Variants in ATP2A2 observed in about 807,000 individuals in gnomAD.
ATP2A2 encodes sarcoplasmic/endoplasmic reticulum calcium ATPase 2.
Under a neutral mutation model 109.3 loss-of-function variants are expected in ATP2A2, and 14 were observed. The ratio of observed to expected loss-of-function variants is 0.13; its 90% CI spans 0.08 to 0.20. ATP2A2 has a LOEUF of 0.20. Among genes scored for constraint, ATP2A2 ranks in the 10% least tolerant of loss-of-function variants. The pLI, the probability that ATP2A2 is intolerant of heterozygous loss-of-function variation, is 1.00. For missense variants in ATP2A2, 657 were observed against 1,321.6 expected (o/e 0.50, Z 7.80); for synonymous variants, 506 against 490.9 (o/e 1.03, Z -0.41).
Position 110,350,078 on chromosome 12 carries a change from G to A in ATP2A2, c.*3608G>A. 2 of 1,445,500 alleles carry A rather than the reference G, an allele frequency of 1.4e-6. No individual in the cohort carries two copies. The highest frequency in any genetic ancestry group is 1.4e-5 in the African/African-American group (1 of 70,148). The allele number at this position is 1,445,500 out of a possible 1,614,324, so 89.5% of individuals were successfully genotyped here. A position where few individuals can be genotyped will look rare whatever the true frequency, so the allele number is the denominator to read the frequency against. On this transcript the variant is annotated 3_prime_UTR_variant, in exon 20 of 20. Coordinates refer to ENST00000539276, the MANE Select transcript of ATP2A2 (RefSeq NM_170665.4). ...ATTCTGTAGCCAGACGACACGAGGA[G>A]TCTGTGTCACTGAGCCAGTGCTTCT... is the stretch of plus-strand genomic sequence containing the variant.
chr12:110,302,660 C>A (rs183472704), intron 5 of ATP2A2, among the ~76,000 whole-genome samples: 1 of 151,762 alleles, frequency 6.6e-6, no homozygotes, highest in Non-Finnish European at 1.5e-5. Flanking sequence ...AATGCAGTAG[C>A]GTGATCTCGG....
intron 11 of ATP2A2, among the ~76,000 whole-genome samples, chr12:110,337,127 C>T (rs1489112656): frequency 6.6e-6 from 1 of 152,152 alleles, no homozygotes; most frequent in Non-Finnish European, 1.5e-5. Flanking sequence ...GCTCCCTTGT[C>T]CCATCTTTTT....
chr12:110,305,339 C>T (rs1875166595), intron 5 of ATP2A2, among the ~76,000 whole-genome samples: 1 of 152,160 alleles, frequency 6.6e-6, no homozygotes, highest in African/African-American at 2.4e-5. Flanking sequence ...AGAGTGGAGG[C>T]TGCAGTGAGC....
At chr12:110,301,651 C>T (rs760407150) in intron 5 of ATP2A2, among the ~76,000 whole-genome samples, 10 of 152,362 alleles carry the variant, frequency 6.6e-5, no homozygotes, top group Non-Finnish European at 1.0e-4. Flanking sequence ...CCATTCTCCA[C>T]ACAAGTGCCA....
In ATP2A2 at chr12:110,333,199, A is replaced by G. The variant is rs1448057515; in HGVS notation, c.1203A>G (p.Pro401=). The change falls in exon 10 of 20, where the codon CCA becomes CCG. Residue 401 remains proline, a synonymous_variant. Transcript: ENST00000539276. ...TGGGCAGGCATAAAGATGATAAACCAGTGAATTGTCACCAGTATGATGGTC... is the reference window on the plus strand; with the variant it reads ...TGGGCAGGCATAAAGATGATAAACCGGTGAATTGTCACCAGTATGATGGTC... ...PIGEVHKDDK[P]VNCHQYDGLV... 2.5e-6 allele frequency: 4 copies of G among 1,613,832 alleles called. No homozygotes were observed. Among genetic ancestry groups the G allele is most frequent in the Non-Finnish European group, 3.4e-6 (4 of 1,179,824 alleles).
chr12:110,294,321 G>A (rs143648630), intron 4 of ATP2A2, among the ~76,000 whole-genome samples: 40 of 152,284 alleles, frequency 2.6e-4, no homozygotes, highest in African/African-American at 8.7e-4. Flanking sequence ...GGGATTACAA[G>A]TGTGAGCCAC....
intron 3 of ATP2A2, among the ~76,000 whole-genome samples, chr12:110,291,523 T>G (rs575342826): frequency 6.6e-6 from 1 of 152,204 alleles, no homozygotes; most frequent in East Asian, 1.9e-4. Flanking sequence ...AGTTTTGACT[T>G]TCAAGAATTC....
rs1487031476 is a variant in ATP2A2 at position 110,350,087 on chromosome 12, A to T, written c.*3617A>T. 2 of 1,455,174 alleles carry T rather than the reference A, an allele frequency of 1.4e-6. No homozygotes were observed. Among genetic ancestry groups the T allele is most frequent in the Non-Finnish European group, 1.8e-6 (2 of 1,109,118 alleles). The allele number at this position is 1,455,174 out of a possible 1,614,324, so 90.1% of individuals were successfully genotyped here. A position where few individuals can be genotyped will look rare whatever the true frequency, so the allele number is the denominator to read the frequency against. On this transcript the variant is annotated 3_prime_UTR_variant, in exon 20 of 20. Coordinates refer to ENST00000539276, the MANE Select transcript of ATP2A2 (RefSeq NM_170665.4). ...CCAGACGACACGAGGAGTCTGTGTC[A>T]CTGAGCCAGTGCTTCTAGATGCTAC... is the stretch of plus-strand genomic sequence containing the variant.
At chr12:110,314,866 CTTT>C (rs372770725) in intron 5 of ATP2A2, among the ~76,000 whole-genome samples, 3 of 139,082 alleles carry the variant, frequency 2.2e-5, no homozygotes, top group Admixed American at 7.3e-5. Flanking sequence ...AGAAGATACA[CTTT>C]TTTTTTTTTT....
At chr12:110,329,392 A>G (rs1878119672) in intron 8 of ATP2A2, 1 of 152,176 alleles carries the variant, frequency 6.6e-6, no homozygotes, top group Non-Finnish European at 1.5e-5. Flanking sequence ...TATTCTGTGT[A>G]TTCATCATAT....
At chr12:110,320,607 A>G (rs1407102966) in intron 5 of ATP2A2, among the ~76,000 whole-genome samples, 1 of 152,250 alleles carries the variant, frequency 6.6e-6, no homozygotes, top group Non-Finnish European at 1.5e-5. Context: ...GTCTTAAATC[A>G]TCTGTTAGAT....
rs1880018679 is a variant in ATP2A2, at chr12:110,347,753, G to A, written c.*1283G>A. 2 of 1,075,530 alleles carry A rather than the reference G, an allele frequency of 1.9e-6. No individual in the cohort carries two copies. Among genetic ancestry groups the A allele is most frequent in the African/African-American group, 1.7e-5 (1 of 59,900 alleles). The allele number at this position is 1,075,530 out of a possible 1,614,324, so 66.6% of individuals were successfully genotyped here. The stretch of plus-strand genomic sequence containing the variant: ...TAAGTCATTAACAGTCCTAACTGTG[G>A]TGTTTTCCTCCAATGCCTTCCAACA... On this transcript the variant is annotated 3_prime_UTR_variant, in exon 20 of 20. Coordinates refer to ENST00000539276, the MANE Select transcript of ATP2A2 (RefSeq NM_170665.4).
rs145883061 is a variant in ATP2A2 at position 110,348,344 on chromosome 12, G to A, written c.*1874G>A. On this transcript the variant is annotated 3_prime_UTR_variant, in exon 20 of 20. Coordinates refer to ENST00000539276, the MANE Select transcript of ATP2A2 (RefSeq NM_170665.4). The stretch of plus-strand genomic sequence containing the variant: ...GATGTTAAAGCACAGTTAGTAGGAC[G>A]TGGCTCTGCACAGCCCAAAAACCAG... The A allele has an allele frequency of 3.0e-5, 30 of 985,290 alleles. No homozygotes were observed. The East Asian group carries it at 1.2e-3, about 41-fold the overall frequency. 61.0% of individuals were successfully genotyped at this position (985,290 alleles called of 1,614,324 possible).
chr12:110,285,760 A>G (rs980528379), intron 3 of ATP2A2, among the ~76,000 whole-genome samples: 5 of 152,102 alleles, frequency 3.3e-5, no homozygotes, highest in African/African-American at 1.2e-4. Flanking sequence ...AGGTTTCTCT[A>G]CCTTCCACCG....
Position 110,281,280 on chromosome 12 carries a change from C to T in ATP2A2, c.-510C>T, listed in dbSNP as rs1872049358. On this transcript the variant is annotated 5_prime_UTR_variant, in exon 1 of 20. Transcript: ENST00000539276. ...AGCCGCCGCGGAGCCGTCCCCGACG[C>T]CACCTCCTTTTCCTTCGCCGCAGTT... The T allele has an allele frequency of 6.6e-6, 1 of 151,578 alleles. No homozygotes were observed. The highest frequency in any genetic ancestry group is 2.4e-5 in the African/African-American group (1 of 41,374). The allele number at this position is 151,578 out of a possible 1,614,324, so 9.4% of individuals were successfully genotyped here.
At chr12:110,306,301 A>C (rs1003903157) in intron 5 of ATP2A2, among the ~76,000 whole-genome samples, 13 of 152,334 alleles carry the variant, frequency 8.5e-5, no homozygotes, top group African/African-American at 2.9e-4. Context: ...GGCCTCCCAA[A>C]GTACTGGGAT....
intron 5 of ATP2A2, among the ~76,000 whole-genome samples, chr12:110,304,056 C>G (rs1874979808): frequency 6.6e-6 from 1 of 152,142 alleles, no homozygotes; most frequent in Admixed American, 6.5e-5. Flanking sequence ...GTCTGTTTTT[C>G]TGGATATTGC....
At chr12:110,297,609 T>TTTTTG (rs900728907) in intron 5 of ATP2A2, among the ~76,000 whole-genome samples, 21 of 151,866 alleles carry the variant, frequency 1.4e-4, no homozygotes, top group African/African-American at 3.9e-4. Context: ...TAGTGCTGTT[T>TTTTTG]TTTTGTTTTG....
At chr12:110,328,043 C>T (rs373177511) in intron 8 of ATP2A2, 26 bp downstream of exon 8, 12 of 1,600,246 alleles carry the variant, frequency 7.5e-6, no homozygotes, top group African/African-American at 5.4e-5. Context: ...TAGAATATTC[C>T]GTGTCGTGGT....
Sources: gnomAD v4.1 joint callset for allele counts (sites outside exome capture counted in the v4.1 genomes callset) on GRCh38, gnomAD v4.1.1 for gene constraint, MANE v1.5 for transcripts, NCBI Gene and HGNC (gene_info 2026-07-23, HGNC 2026-07-21) for gene names.